Variants in SLC2A14 observed in about 807,000 individuals in gnomAD.
SLC2A14 encodes the protein solute carrier family 2 member 14, also known as solute carrier family 2, facilitated glucose transporter member 14.
A neutral mutation model predicts 43.0 loss-of-function variants in SLC2A14; 13 were observed. The observed-to-expected ratio is 0.30, with a 90% CI of 0.20 to 0.48. The LOEUF is 0.48. Ranked by LOEUF, SLC2A14 falls within the 20% of genes least tolerant of loss-of-function variation. SLC2A14 has a pLI of 0.99. For synonymous variants in SLC2A14, 190 were observed against 233.8 expected (o/e 0.81, Z 1.71); for missense variants, 428 against 620.4 (o/e 0.69, Z 3.29).
rs769713527 is a variant in SLC2A14, at chr12:7,829,891, G to C, written c.388C>G (p.Leu130Val). 3.7e-6 allele frequency: 6 copies of C among 1,614,194 alleles called. No homozygotes were observed. Among genetic ancestry groups the C allele is most frequent in the Non-Finnish European group, 4.2e-6 (5 of 1,180,036 alleles). ...AAACCTGTGCAGAGTCCGCAGAAGAGGCCAATAACCAAGCGGCCCAGGATC... is the reference window on the plus strand; with the variant it reads ...AAACCTGTGCAGAGTCCGCAGAAGACGCCAATAACCAAGCGGCCCAGGATC... ...MLILGRLVIG[L>V]FCGLCTGFVP... The change falls in exon 5 of 11, where the codon CTC becomes GTC. Residue 130 changes from leucine (L) to valine (V), a missense_variant. Physicochemically the swap from Leu to Val is conservative, Grantham distance 32. Around this residue, in one of 4 missense-constraint regions of SLC2A14, gnomAD observed 185 missense variants for 275.4 expected, o/e 0.67. Transcript: ENST00000431042.
chr12:7,829,699 AC>A (rs1181822054), intron 5 of SLC2A14, 66 bp downstream of exon 5: 145 of 1,588,316 alleles, frequency 9.1e-5, no homozygotes, highest in Non-Finnish European at 1.1e-4. Context: ...TCAGTGCTTT[AC>A]CTATGTTAAC....
chr12:7,840,158 T>G (rs974941855), intron 2 of SLC2A14, among the ~76,000 whole-genome samples: 1 of 77,478 alleles, frequency 1.3e-5, no homozygotes, highest in African/African-American at 4.8e-5. Flanking sequence ...GAGAGTTTGC[T>G]CCTTTTTTTT....
At chr12:7,891,107 C>T (rs779182877) in exon 1 of SLC2A14, 26 of 1,534,444 alleles carry the variant, frequency 1.7e-5, no homozygotes, top group Admixed American at 1.4e-4. Context: ...CTTCTACTCT[C>T]AACAGTTGGA....
rs886091759 is a variant in SLC2A14 at position 7,845,613 on chromosome 12, A to G, written c.19-12799T>C. Reference sequence around the variant, plus strand: ...CCTAACATGGTGAAACCCCATCTCTACTACAAATACAAAAAATTAGCCGGG... The same window carrying G: ...CCTAACATGGTGAAACCCCATCTCTGCTACAAATACAAAAAATTAGCCGGG... On this transcript the variant is annotated intron_variant, in intron 2 of 10. Transcript: ENST00000431042. Among the ~76,000 whole-genome samples the G allele has an allele frequency of 3.3e-5, 5 of 150,362 alleles. No individual in the cohort carries two copies. In the Admixed American group the frequency reaches 3.3e-4, roughly 10 times the overall value.
chr12:7,855,692 C>T (rs1867305606), intron 2 of SLC2A14, among the ~76,000 whole-genome samples: 1 of 97,960 alleles, frequency 1.0e-5, no homozygotes, highest in South Asian at 3.4e-4. Flanking sequence ...GGCTGGAGTG[C>T]AGTTGCACGG....
intron 2 of SLC2A14, among the ~76,000 whole-genome samples, chr12:7,839,460 G>T (rs1395205164): frequency 1.3e-5 from 2 of 152,228 alleles, no homozygotes; most frequent in Non-Finnish European, 2.9e-5. Context: ...ACAGCTAGGA[G>T]TCTGCTCATG....
At chr12:7,831,796 T>G (rs749908860) in intron 3 of SLC2A14, 32 bp from the exon 4 acceptor site, 4 of 1,612,066 alleles carry the variant, frequency 2.5e-6, no homozygotes. Context: ...GACAGACTAT[T>G]ACAGTTGGAT....
chr12:7,882,681 A>G (rs1945607697), intron 1 of SLC2A14, among the ~76,000 whole-genome samples: 1 of 152,084 alleles, frequency 6.6e-6, no homozygotes, highest in Admixed American at 6.6e-5. Context: ...TACTAAAAAT[A>G]CGAAAGTTAG....
chr12:7,863,504 G>A (rs1459707461), intron 2 of SLC2A14: 13 of 424,914 alleles, frequency 3.1e-5, no homozygotes, highest in South Asian at 1.7e-5. Flanking sequence ...GTGCATGCCT[G>A]TAGTCCCAGC....
rs1565507403 is a variant in SLC2A14 at position 7,826,858 on chromosome 12, C to CCTTCCTTCCTTCCTTTCTT, written c.864+636_864+637insAAGAAAGGAAGGAAGGAAG. Among the ~76,000 whole-genome samples the CCTTCCTTCCTTCCTTTCTT allele has an allele frequency of 6.9e-5, 3 of 43,192 alleles. 1 individual carries two copies. Among genetic ancestry groups the CCTTCCTTCCTTCCTTTCTT allele is most frequent in the Non-Finnish European group, 1.3e-4 (3 of 22,880 alleles). 28.3% of individuals were successfully genotyped at this position (43,192 alleles called of 152,430 possible). On this transcript the variant is annotated intron_variant, in intron 7 of 10. Transcript: ENST00000431042. ...CTTTCCTTCCTTCCTTCCTTCCTTT[C>CCTTCCTTCCTTCCTTTCTT]TTTTTTCTTTCTTTCTTTCTTTCTT...
In SLC2A14 at chr12:7,814,247, T is replaced by C; in HGVS notation, c.*69A>G. Reference sequence around the variant, plus strand: ...AGAAGCAGTCCTGGGTTCATCCTGATAAAGTCTCTCCCTTGTTGAGGGAGA... The same window carrying C: ...AGAAGCAGTCCTGGGTTCATCCTGACAAAGTCTCTCCCTTGTTGAGGGAGA... On this transcript the variant is annotated 3_prime_UTR_variant, in exon 11 of 11. Transcript: ENST00000431042. 8 of 1,464,112 alleles carry C rather than the reference T, an allele frequency of 5.5e-6. 3 individuals are homozygous for C. Among genetic ancestry groups the C allele is most frequent in the Non-Finnish European group, 7.5e-6 (8 of 1,067,942 alleles). The allele number at this position is 1,464,112 out of a possible 1,614,324, so 90.7% of individuals were successfully genotyped here.
chr12:7,831,653 C>A lies in SLC2A14; in HGVS notation c.223G>T (p.Gly75Cys), dbSNP rs767682008. Residue 75 changes from glycine (G) to cysteine (C), a missense_variant, in exon 4 of 11, where the codon GGT (glycine) becomes TGT (cysteine). Physicochemically the swap from Gly to Cys is radical, Grantham distance 159 (BLOSUM62 -3). Around this residue, in one of 4 missense-constraint regions of SLC2A14, gnomAD observed 122 missense variants for 128.8 expected, o/e 0.95. Transcript: ENST00000431042. ...CCGACGGAAAAGGAGCCGATCATACCCCCGACGGAAAATATGGCCACAGAC... is the reference window on the plus strand; with the variant it reads ...CCGACGGAAAAGGAGCCGATCATACACCCGACGGAAAATATGGCCACAGAC... ...SLSVAIFSVG[G>C]MIGSFSVGLF... The A allele has an allele frequency of 4.3e-6, 7 of 1,614,186 alleles. No homozygotes were observed. The highest frequency in any genetic ancestry group is 5.1e-6 in the Non-Finnish European group (6 of 1,180,040).
chr12:7,886,671 T>G (rs1940495152), intron 1 of SLC2A14, among the ~76,000 whole-genome samples: 1 of 152,050 alleles, frequency 6.6e-6, no homozygotes, highest in African/African-American at 2.4e-5. Flanking sequence ...TAACTCTACC[T>G]CCCAGAGGAA....
Position 7,821,188 on chromosome 12 carries a change from C to A in SLC2A14, c.969+33G>T, listed in dbSNP as rs1863877998. 15 of 1,533,996 alleles carry A rather than the reference C, an allele frequency of 9.8e-6. No homozygotes were observed. The South Asian group carries it at 1.3e-4, about 14-fold the overall frequency. ...GAACATCTGTAGCAAGGATTCATTTCTCCCCCCAAAATTATCAAACCATCC... is the reference window on the plus strand; with the variant it reads ...GAACATCTGTAGCAAGGATTCATTTATCCCCCCAAAATTATCAAACCATCC... On this transcript the variant is annotated intron_variant, in intron 8 of 10. Transcript: ENST00000431042.
At chr12:7,881,093 C>T (rs898991358) in intron 1 of SLC2A14, among the ~76,000 whole-genome samples, 2 of 152,128 alleles carry the variant, frequency 1.3e-5, no homozygotes, top group Admixed American at 6.5e-5. Flanking sequence ...AAGCCGAAAT[C>T]GCACTGAGAG....
Position 7,817,976 on chromosome 12 carries a change from C to T in SLC2A14, c.1130G>A (p.Cys377Tyr). 1 of 1,614,080 alleles carries T rather than the reference C, an allele frequency of 6.2e-7. No individual in the cohort carries two copies. Residue 377 changes from cysteine (C) to tyrosine (Y), a missense_variant, in exon 10 of 11, where the codon TGT becomes TAT. Around this residue, in one of 4 missense-constraint regions of SLC2A14, gnomAD observed 119 missense variants for 188.7 expected, o/e 0.63. Coordinates refer to ENST00000431042, the MANE Select transcript of SLC2A14 (RefSeq NM_001286234.2). The part of the protein sequence containing the change: ...CIGAILVFVA[C>Y]FEIGPGPIPW... ...AATGGGGCCTGGTCCAATTTCAAAACAGGCCACAAAGACCAAGATAGCCCC... is the reference window on the plus strand; with the variant it reads ...AATGGGGCCTGGTCCAATTTCAAAATAGGCCACAAAGACCAAGATAGCCCC...
Position 7,832,747 on chromosome 12 carries a change from G to C in SLC2A14, c.86C>G (p.Thr29Ser). The C allele has an allele frequency of 6.2e-7, 1 of 1,614,162 alleles. No homozygotes were observed. The highest frequency in any genetic ancestry group is 8.5e-7 in the Non-Finnish European group (1 of 1,180,026). ...CGTCTCAGGAGCATTGATGACCCCA[G>C]TGTTGTAGCCAAACTGGAAAGAGCC... The part of the protein sequence containing the change: ...TIGSFQFGYN[T>S]GVINAPETII... The change falls in exon 3 of 11, where the codon ACT becomes AGT. Residue 29 changes from threonine to serine, a missense_variant. This residue lies in a region of SLC2A14 where 122 missense variants were observed against 128.8 expected (regional missense o/e 0.95). Coordinates refer to ENST00000431042, the MANE Select transcript of SLC2A14 (RefSeq NM_001286234.2).
intron 10 of SLC2A14, among the ~76,000 whole-genome samples, chr12:7,816,574 T>C (rs1592137572): frequency 6.7e-6 from 1 of 150,366 alleles, no homozygotes; most frequent in Non-Finnish European, 1.5e-5. Flanking sequence ...ACAAAAGATA[T>C]ATTCTTAAAC....
At chr12:7,863,549 GAC>G in intron 2 of SLC2A14, 1 of 367,184 alleles carries the variant, frequency 2.7e-6, no homozygotes, top group Non-Finnish European at 5.5e-6. Context: ...ATGAACCCAG[GAC>G]ACAGAGGTTG....
Sources: gnomAD v4.1 joint callset for allele counts (sites outside exome capture counted in the v4.1 genomes callset) on GRCh38, gnomAD v4.1.1 for gene constraint, gnomAD v4.1.1 regional missense constraint, MANE v1.5 for transcripts, NCBI Gene and HGNC (gene_info 2026-07-23, HGNC 2026-07-21) for gene names.